The following ELMO1 variants were observed in gnomAD, a reference collection of about 807,000 sequenced individuals.
The protein encoded by ELMO1 is engulfment and cell motility protein 1.
A neutral mutation model predicts 98.9 loss-of-function variants in ELMO1; 26 were observed. The observed-to-expected ratio is 0.26, with a 90% CI of 0.19 to 0.36. The LOEUF (loss-of-function observed/expected upper bound fraction) is 0.36, where lower values mean the gene tolerates loss of function less well. Ranked by LOEUF, ELMO1 falls within the 10% of genes least tolerant of loss-of-function variation. ELMO1 has a pLI of 1.00. For missense variants in ELMO1, 627 were observed against 935.2 expected, an observed-to-expected ratio of 0.67 and a Z score of 4.30; for synonymous variants, 346 against 346.0, an observed-to-expected ratio of 1.00 and a Z score of 0.00.
intron 13 of ELMO1, among the ~76,000 whole-genome samples, chr7:37,202,935 C>T (rs1006263827): frequency 7.9e-5 from 12 of 152,220 alleles, no homozygotes; most frequent in African/African-American, 2.6e-4. Context: ...TTTGTTTCTC[C>T]CCCTCCCCAA....
chr7:36,948,537 A>C (rs1430104928), intron 16 of ELMO1, among the ~76,000 whole-genome samples: 1 of 152,068 alleles, frequency 6.6e-6, no homozygotes, highest in African/African-American at 2.4e-5. Context: ...CACAGCTACT[A>C]CCCCTCCACA....
At chr7:37,365,135 C>G (rs1260451975) in intron 1 of ELMO1, among the ~76,000 whole-genome samples, 3 of 152,224 alleles carry the variant, frequency 2.0e-5, no homozygotes, top group African/African-American at 7.2e-5. Flanking sequence ...GAAATAACTT[C>G]TAACACCAGG....
At chr7:37,423,978 G>A (rs577590412) in intron 1 of ELMO1, among the ~76,000 whole-genome samples, 3 of 152,290 alleles carry the variant, frequency 2.0e-5, no homozygotes, top group East Asian at 1.9e-4. Context: ...TGGGGGCTAC[G>A]CTGGGTGGTC....
chr7:37,231,711 G>A (rs1290353259), intron 8 of ELMO1, among the ~76,000 whole-genome samples: 2 of 152,090 alleles, frequency 1.3e-5, no homozygotes, highest in African/African-American at 4.8e-5. Context: ...CCAGAGAAAG[G>A]CATTCATAGA....
At chr7:36,998,888 C>T (rs546770156) in intron 16 of ELMO1, among the ~76,000 whole-genome samples, 4 of 151,860 alleles carry the variant, frequency 2.6e-5, no homozygotes, top group East Asian at 3.9e-4. Context: ...CTTCAGAAAC[C>T]GAGCTGCAGG....
intron 1 of ELMO1, among the ~76,000 whole-genome samples, chr7:37,444,161 C>T (rs571119265): frequency 6.6e-6 from 1 of 152,270 alleles, no homozygotes; most frequent in South Asian, 2.1e-4. Context: ...CCAATCCAAG[C>T]CCAGGTCAGC....
At chr7:37,101,954 T>C (rs1342098249) in intron 14 of ELMO1, among the ~76,000 whole-genome samples, 1 of 152,182 alleles carries the variant, frequency 6.6e-6, no homozygotes, top group Non-Finnish European at 1.5e-5. Context: ...AGAATCCTTG[T>C]CAATGTCACA....
At chr7:37,048,558 C>A (rs1241008166) in intron 15 of ELMO1, among the ~76,000 whole-genome samples, 1 of 152,194 alleles carries the variant, frequency 6.6e-6, no homozygotes, top group Non-Finnish European at 1.5e-5. Flanking sequence ...TGTTCCCCCA[C>A]CTAACCCACA....
intron 4 of ELMO1, among the ~76,000 whole-genome samples, chr7:37,289,481 C>G (rs1234453543): frequency 1.3e-5 from 2 of 152,210 alleles, no homozygotes; most frequent in African/African-American, 4.8e-5. Context: ...AACGCCACAG[C>G]ACCAGGCAGC....
intron 15 of ELMO1, among the ~76,000 whole-genome samples, chr7:37,063,124 A>G (rs1459020811): frequency 6.6e-6 from 1 of 152,208 alleles, no homozygotes; most frequent in Non-Finnish European, 1.5e-5. Flanking sequence ...TTAGGATTCA[A>G]TGAAAAGACC....
chr7:36,910,430 C>T (rs1441087745), intron 16 of ELMO1, among the ~76,000 whole-genome samples: 1 of 152,144 alleles, frequency 6.6e-6, no homozygotes, highest in African/African-American at 2.4e-5. Flanking sequence ...ATGGGTCCTG[C>T]AGGATGGGTA....
At chr7:36,901,918 A>C (rs1427728843) in intron 16 of ELMO1, among the ~76,000 whole-genome samples, 1 of 152,216 alleles carries the variant, frequency 6.6e-6, no homozygotes, top group Non-Finnish European at 1.5e-5. Context: ...AATCGAACAG[A>C]ATCGGTTCCG....
intron 13 of ELMO1, among the ~76,000 whole-genome samples, chr7:37,164,000 T>C (rs1418578157): frequency 6.6e-6 from 1 of 152,224 alleles, no homozygotes; most frequent in Non-Finnish European, 1.5e-5. Context: ...CCAGCACTTG[T>C]TGTTTCCTGA....
intron 15 of ELMO1, among the ~76,000 whole-genome samples, chr7:37,065,197 T>G (rs963485432): frequency 2.0e-5 from 3 of 151,774 alleles, no homozygotes; most frequent in Admixed American, 2.0e-4. Context: ...TTTTTTTTTT[T>G]GAGGTGGACT....
chr7:37,254,352 C>T (rs1459151412), intron 6 of ELMO1, among the ~76,000 whole-genome samples: 1 of 152,172 alleles, frequency 6.6e-6, no homozygotes, highest in African/African-American at 2.4e-5. Flanking sequence ...TGTCTGAAAC[C>T]TGGCTGTATG....
In ELMO1 at chr7:37,272,071, A is replaced by C. The variant is rs374382294; in HGVS notation, c.193-189T>G. Among the ~76,000 whole-genome samples the C allele has an allele frequency of 6.8e-4, 103 of 152,342 alleles. 1 individual carries two copies. Among genetic ancestry groups the C allele is most frequent in the African/African-American group, 2.3e-3 (97 of 41,570 alleles). On this transcript the variant is annotated intron_variant, in intron 4 of 21. Transcript: ENST00000310758. The stretch of plus-strand genomic sequence containing the variant: ...ATTCAGTACAAAGGAAGTGAATACA[A>C]ACCCAAAGAAAAGGAATATGGGTCC...
Position 37,205,354 on chromosome 7 carries a change from C to T in ELMO1, c.1086+6032G>A, listed in dbSNP as rs545540822. 2.0e-5 allele frequency among the ~76,000 whole-genome samples: 3 copies of T among 152,316 alleles called. No individual in the cohort carries two copies. In the South Asian group the frequency reaches 6.2e-4, roughly 32 times the overall value. On this transcript the variant is annotated intron_variant, in intron 13 of 21. Transcript: ENST00000310758. Reference sequence around the variant, plus strand: ...CTTTTGCCAACCAGTGAATATATAACCTTCTTTTATGTGTGTTTCTGTTTA... The same window carrying T: ...CTTTTGCCAACCAGTGAATATATAATCTTCTTTTATGTGTGTTTCTGTTTA...
intron 14 of ELMO1, among the ~76,000 whole-genome samples, chr7:37,116,247 T>G (rs1313652691): frequency 4.6e-5 from 7 of 152,182 alleles, no homozygotes; most frequent in Admixed American, 4.6e-4. Flanking sequence ...CAGCAGCTGC[T>G]GAGCTCTGCA....
At chr7:37,188,972 C>T (rs1791411904) in intron 13 of ELMO1, among the ~76,000 whole-genome samples, 1 of 152,176 alleles carries the variant, frequency 6.6e-6, no homozygotes, top group Non-Finnish European at 1.5e-5. Context: ...AGTCCTCCTG[C>T]TGAATTATAT....
Sources: gnomAD v4.1 joint callset for allele counts (sites outside exome capture counted in the v4.1 genomes callset) on GRCh38, gnomAD v4.1.1 for gene constraint, MANE v1.5 for transcripts, NCBI Gene and HGNC (gene_info 2026-07-23, HGNC 2026-07-21) for gene names.